Variants in FAM184A observed in about 807,000 individuals in gnomAD.
The protein encoded by FAM184A is protein FAM184A.
In FAM184A, 99 loss-of-function variants were observed where a neutral mutation model predicts 143.8. The ratio of observed to expected loss-of-function variants is 0.69; its 90% CI spans 0.58 to 0.81. The LOEUF is 0.81. Among genes scored for constraint, FAM184A ranks in the 40% least tolerant of loss-of-function variants. FAM184A has a pLI of 0.00. For synonymous variants in FAM184A, 427 were observed against 446.4 expected, an observed-to-expected ratio of 0.96 and a Z score of 0.55; for missense variants, 1,217 against 1,310.5, an observed-to-expected ratio of 0.93 and a Z score of 1.10.
chr6:119,132,934 T>C (rs1242033731), intron 1 of FAM184A, among the ~76,000 whole-genome samples: 7 of 152,224 alleles, frequency 4.6e-5, no homozygotes, highest in Non-Finnish European at 2.9e-5. Flanking sequence ...CTCTAAGAGT[T>C]GAAATATCAG....
intron 9 of FAM184A, among the ~76,000 whole-genome samples, chr6:118,982,268 C>A (rs953415654): frequency 2.0e-5 from 3 of 152,120 alleles, no homozygotes; most frequent in African/African-American, 7.2e-5. Flanking sequence ...CCGGTAGAGC[C>A]GTTCTCTTCC....
chr6:118,986,323 C>T lies in FAM184A; in HGVS notation c.2089-5973G>A, dbSNP rs1379897942. On this transcript the variant is annotated intron_variant, in intron 9 of 17. Coordinates refer to ENST00000338891, the MANE Select transcript of FAM184A (RefSeq NM_024581.6). Reference sequence around the variant, plus strand: ...AAAAAAAAAATTTGTGGAATATGTCCCCAATCATCCTCTTATTATTAACTA... The same window carrying T: ...AAAAAAAAAATTTGTGGAATATGTCTCCAATCATCCTCTTATTATTAACTA... 3.9e-5 allele frequency among the ~76,000 whole-genome samples: 6 copies of T among 152,084 alleles called. No individual in the cohort carries two copies. The East Asian group carries it at 9.6e-4, about 24-fold the overall frequency.
intron 1 of FAM184A, among the ~76,000 whole-genome samples, chr6:119,127,754 G>A (rs1201133861): frequency 1.3e-5 from 2 of 152,170 alleles, no homozygotes; most frequent in African/African-American, 4.8e-5. Flanking sequence ...AGTTGGGAGT[G>A]GGGAGAGAAA....
chr6:119,051,098 A>G (rs1343067650), intron 1 of FAM184A, among the ~76,000 whole-genome samples: 1 of 151,518 alleles, frequency 6.6e-6, no homozygotes. Context: ...CTGTGACATG[A>G]GATTACCTAC....
intron 4 of FAM184A, among the ~76,000 whole-genome samples, chr6:119,019,276 T>A (rs1785365899): frequency 6.6e-6 from 1 of 152,150 alleles, no homozygotes; most frequent in Admixed American, 6.5e-5. Flanking sequence ...GGGTAGTAAG[T>A]ACCACAGTAA....
At chr6:118,960,208 T>C (rs1783275229) in intron 17 of FAM184A, 24 bp from the exon 18 acceptor site, 1 of 1,599,936 alleles carries the variant, frequency 6.3e-7, no homozygotes, top group Non-Finnish European at 8.5e-7. Context: ...AAGAGAGACA[T>C]GTAACCCAGC....
chr6:119,006,126 G>A (rs761670305), intron 7 of FAM184A: 1 of 765,232 alleles, frequency 1.3e-6, no homozygotes, highest in Non-Finnish European at 2.4e-6. Context: ...AAGATAGGCA[G>A]AGATGGAAAT....
intron 14 of FAM184A, among the ~76,000 whole-genome samples, chr6:118,971,702 C>T (rs1012129331): frequency 1.2e-4 from 19 of 152,186 alleles, no homozygotes; most frequent in African/African-American, 4.6e-4. Context: ...ACTTCCAGCA[C>T]CAAAGCGGAT....
At chr6:118,967,354 G>C (rs956921762) in intron 14 of FAM184A, among the ~76,000 whole-genome samples, 3 of 152,136 alleles carry the variant, frequency 2.0e-5, no homozygotes, top group African/African-American at 7.2e-5. Flanking sequence ...ATACAATACT[G>C]TGTGATAACA....
At position 119,002,476 on chromosome 6, in the gene FAM184A, G is replaced by A. The variant is rs531530256; in HGVS notation, c.2088+423C>T. Among the ~76,000 whole-genome samples the A allele has an allele frequency of 3.9e-5, 6 of 152,188 alleles. No individual in the cohort carries two copies. The East Asian group carries it at 9.6e-4, about 24-fold the overall frequency. The stretch of plus-strand genomic sequence containing the variant: ...AGCATTTTGAAGGATAGCAGGCAAC[G>A]CTCCTTTGGTGAGAAAAGTAAGCTG... On this transcript the variant is annotated intron_variant, in intron 9 of 17. Transcript: ENST00000338891.
upstream of FAM184A, among the ~76,000 whole-genome samples, chr6:119,082,663 G>A (rs1788105557): frequency 6.6e-6 from 1 of 152,250 alleles, no homozygotes; most frequent in Admixed American, 6.5e-5. Flanking sequence ...CTCACATCCA[G>A]GACATGCTGA....
intron 6 of FAM184A, 62 bp from the exon 7 acceptor site, chr6:119,006,670 C>CTA (rs1784929645): frequency 2.4e-6 from 3 of 1,273,376 alleles, no homozygotes; most frequent in Non-Finnish European, 3.2e-6. Flanking sequence ...AATAGTCTTA[C>CTA]AATTTCTTCC....
chr6:118,998,029 G>GA (rs1324605330), intron 9 of FAM184A, among the ~76,000 whole-genome samples: 12 of 152,024 alleles, frequency 7.9e-5, no homozygotes, highest in Admixed American at 7.9e-4. Flanking sequence ...TACTGAGTAT[G>GA]AAAAATTCTA....
At chr6:119,070,824 T>C (rs1215176437) in intron 1 of FAM184A, among the ~76,000 whole-genome samples, 2 of 152,072 alleles carry the variant, frequency 1.3e-5, no homozygotes, top group Non-Finnish European at 2.9e-5. Context: ...ATAAAAAGAA[T>C]GGCGTTACGA....
chr6:118,981,768 G>A, intron 9 of FAM184A, among the ~76,000 whole-genome samples: 1 of 152,140 alleles, frequency 6.6e-6, no homozygotes. Context: ...AGTTATAAAG[G>A]TTAGCATATG....
intron 15 of FAM184A, among the ~76,000 whole-genome samples, chr6:118,965,095 G>A (rs1783458079): frequency 6.6e-6 from 1 of 152,122 alleles, no homozygotes; most frequent in East Asian, 1.9e-4. Flanking sequence ...TGGGGCTCTG[G>A]GCATGACTGA....
chr6:119,003,195 G>C, intron 8 of FAM184A, 146 bp from the exon 9 acceptor site: 1 of 748,330 alleles, frequency 1.3e-6, no homozygotes, highest in Non-Finnish European at 2.0e-6. Context: ...CTTAAGGGCT[G>C]TAAAGTAAAT....
At chr6:119,137,545 A>C (rs1042973310) in intron 1 of FAM184A, among the ~76,000 whole-genome samples, 4 of 152,224 alleles carry the variant, frequency 2.6e-5, no homozygotes, top group African/African-American at 9.6e-5. Context: ...GGGATTCAAC[A>C]TAAGAATTTT....
intron 1 of FAM184A, among the ~76,000 whole-genome samples, chr6:119,040,563 G>T (rs1786289995): frequency 6.6e-6 from 1 of 152,164 alleles, no homozygotes; most frequent in South Asian, 2.1e-4. Context: ...GGCCCTTCTT[G>T]ACAGGAGCCT....
Sources: gnomAD v4.1 joint callset for allele counts (sites outside exome capture counted in the v4.1 genomes callset) on GRCh38, gnomAD v4.1.1 for gene constraint, MANE v1.5 for transcripts, NCBI Gene and HGNC (gene_info 2026-07-23, HGNC 2026-07-21) for gene names.